Variants in SLC4A3 observed in about 807,000 individuals in gnomAD.
SLC4A3 encodes the protein solute carrier family 4 member 3.
Under a neutral mutation model 114.2 loss-of-function variants are expected in SLC4A3, and 47 were observed. That is an observed-to-expected ratio of 0.41 (90% CI 0.33 to 0.52). The LOEUF (loss-of-function observed/expected upper bound fraction) is 0.52. Among genes scored for constraint, SLC4A3 ranks in the 20% least tolerant of loss-of-function variants. SLC4A3 has a pLI of 0.21. For synonymous variants in SLC4A3, 693 were observed against 710.3 expected, an observed-to-expected ratio of 0.98 and a Z score of 0.39; for missense variants, 1,312 against 1,668.3, an observed-to-expected ratio of 0.79 and a Z score of 3.72.
Position 219,632,066 on chromosome 2 carries a change from A to G in SLC4A3, c.910A>G (p.Ile304Val). ...GGGCAGTCCCAGCGGCCTGGCCCCC[A>G]TCCTTCGCAGGAAGAAGAAGAAGAA... ...GRGSPSGLAPILRRKKKKKKL... is the reference protein window; with the variant it reads ...GRGSPSGLAPVLRRKKKKKKL... The change falls in exon 7 of 23, where the codon ATC becomes GTC. Residue 304 changes from isoleucine (I) to valine (V), a missense_variant. Around this residue, in one of 4 missense-constraint regions of SLC4A3, gnomAD observed 771 missense variants for 977.7 expected, o/e 0.79. Coordinates refer to ENST00000358055, the MANE Select transcript of SLC4A3 (RefSeq NM_005070.4). 1 of 1,613,796 alleles carries G rather than the reference A, an allele frequency of 6.2e-7. No homozygotes were observed. The highest frequency in any genetic ancestry group is 8.5e-7 in the Non-Finnish European group (1 of 1,179,946).
chr2:219,633,217 T>C, intron 9 of SLC4A3, 57 bp from the exon 10 acceptor site: 1 of 1,491,192 alleles, frequency 6.7e-7, no homozygotes, highest in Non-Finnish European at 9.1e-7. Context: ...ACTCACCTCA[T>C]GACCTCAGTC....
rs1438990137 is a variant in SLC4A3 at position 219,635,719 on chromosome 2, C to G, written c.2019C>G (p.Asp673Glu). 3 of 1,595,188 alleles carry G rather than the reference C, an allele frequency of 1.9e-6. No homozygotes were observed. The Admixed American group carries it at 5.5e-5, about 29-fold the overall frequency. Residue 673 changes from aspartate to glutamate, a missense_variant, in exon 14 of 23, where the codon GAC (aspartate) becomes GAG (glutamate). Coordinates refer to ENST00000358055, the MANE Select transcript of SLC4A3 (RefSeq NM_005070.4). The stretch of plus-strand genomic sequence containing the variant: ...GCTCTGAGGCAACCCCTGAAGATGA[C>G]CCCTTGCTGCGGACGGGCTCGGTAT... ...LGGSEATPED[D>E]PLLRTGSVFG...
chr2:219,640,301 TC>T lies in SLC4A3; in HGVS notation c.3278-123del, dbSNP rs1329158486. ...ATTGGTCCAGTGGGTCCATGTCGCC[TC>T]CCCCCAGGCCTCTCCATCCTCACGG... On this transcript the variant is annotated intron_variant, in intron 20 of 22. Coordinates refer to ENST00000358055, the MANE Select transcript of SLC4A3 (RefSeq NM_005070.4). 24 of 863,884 alleles carry T rather than the reference TC, an allele frequency of 2.8e-5. No individual in the cohort carries two copies. In the African/African-American group the frequency reaches 3.9e-4, roughly 14 times the overall value. The allele number at this position is 863,884 out of a possible 1,614,324, so 53.5% of individuals were successfully genotyped here.
In SLC4A3 at chr2:219,628,910, C is replaced by T. The variant is rs532924095; in HGVS notation, c.218-234C>T. ...CGCCTTTCCCCTCCTTGCTGTATCACGTCTCCCCTCCCAGCCCCCTTCATG... is the reference window on the plus strand; with the variant it reads ...CGCCTTTCCCCTCCTTGCTGTATCATGTCTCCCCTCCCAGCCCCCTTCATG... On this transcript the variant is annotated intron_variant, in intron 3 of 22. Transcript: ENST00000358055. This position sits in a 1 kb window ranked among gnomAD's most constrained non-coding sequence, Gnocchi z 4.8. 2.2e-5 allele frequency: 13 copies of T among 595,880 alleles called. No individual in the cohort carries two copies. The highest frequency in any genetic ancestry group is 4.4e-4 in the Middle Eastern group (1 of 2,258). 36.9% of individuals were successfully genotyped at this position (595,880 alleles called of 1,614,324 possible). A position where few individuals can be genotyped will look rare whatever the true frequency, so the allele number is the denominator to read the frequency against.
chr2:219,635,576 C>G lies in SLC4A3; in HGVS notation c.1972+80C>G, dbSNP rs2305056. On this transcript the variant is annotated intron_variant, in intron 13 of 22. Coordinates refer to ENST00000358055, the MANE Select transcript of SLC4A3 (RefSeq NM_005070.4). ...CTAAGGCTGTGACCCCAGCCCCGTC[C>G]TGACTCCTGGAGTCCTTTGCATCCC... 1,015 of 1,484,464 alleles carry G rather than the reference C, an allele frequency of 6.8e-4. 18 individuals are homozygous for G. In the East Asian group the frequency reaches 0.024, roughly 36 times the overall value. 92.0% of individuals were successfully genotyped at this position (1,484,464 alleles called of 1,614,324 possible).
chr2:219,628,522 T>G lies in SLC4A3; in HGVS notation c.169T>G (p.Trp57Gly). The G allele has an allele frequency of 1.2e-6, 2 of 1,613,478 alleles. No individual in the cohort carries two copies. Among genetic ancestry groups the G allele is most frequent in the Non-Finnish European group, 8.5e-7 (1 of 1,179,828 alleles). The change falls in exon 3 of 23, where the codon TGG becomes GGG. Residue 57 changes from tryptophan to glycine, a missense_variant. By Grantham distance (184) the Trp-to-Gly change is radical. Around this residue, in one of 4 missense-constraint regions of SLC4A3, gnomAD observed 236 missense variants for 212.1 expected, o/e 1.11. Coordinates refer to ENST00000358055, the MANE Select transcript of SLC4A3 (RefSeq NM_005070.4). This position sits in a 1 kb window ranked among gnomAD's most constrained non-coding sequence, Gnocchi z 4.8. Reference protein sequence around the residue: ...FGDLISKPPAWDPEKPSRSYS... With the variant: ...FGDLISKPPAGDPEKPSRSYS... ...GGACCTCATCAGCAAGCCCCCGGCC[T>G]GGGACCCCGAGAAGCCCAGCCGCAG...
intron 20 of SLC4A3, 93 bp from the exon 21 acceptor site, chr2:219,640,337 G>A (rs1001062587): frequency 2.6e-5 from 37 of 1,433,844 alleles, no homozygotes; most frequent in Non-Finnish European, 3.3e-5. Context: ...GGGGCTGTCT[G>A]AGGGTCAGGC....
At position 219,633,444 on chromosome 2, in the gene SLC4A3, C is replaced by T. The variant is rs1243839730; in HGVS notation, c.1448C>T (p.Pro483Leu). 9 of 1,550,478 alleles carry T rather than the reference C, an allele frequency of 5.8e-6. No homozygotes were observed. Among genetic ancestry groups the T allele is most frequent in the African/African-American group, 2.8e-5 (2 of 72,444 alleles). The part of the protein sequence containing the change: ...GEPAPLWPHD[P>L]DAKEKPLHMP... ...CCAGCCCCACTCTGGCCACATGACC[C>T]TGACGCCAAGGAGGTCAGTGCCCTT... The change falls in exon 10 of 23, where the codon CCT becomes CTT. Residue 483 changes from proline to leucine, a missense_variant. By Grantham distance (98) the Pro-to-Leu change is moderately conservative (BLOSUM62 -3). Coordinates refer to ENST00000358055, the MANE Select transcript of SLC4A3 (RefSeq NM_005070.4).
rs1264962671 is a variant in SLC4A3 at position 219,631,826 on chromosome 2, T to C, written c.812-142T>C. The C allele has an allele frequency of 4.4e-6, 4 of 904,546 alleles. No individual in the cohort carries two copies. The highest frequency in any genetic ancestry group is 6.8e-6 in the Non-Finnish European group (4 of 591,264). The allele number at this position is 904,546 out of a possible 1,614,324, so 56.0% of individuals were successfully genotyped here. ...TCTTCTTATCAATGAAATGGCCACA[T>C]GGGATTATGTGGTTCCCGTCGGCAT... On this transcript the variant is annotated intron_variant, in intron 6 of 22. Transcript: ENST00000358055. This position sits in a 1 kb window ranked among gnomAD's most constrained non-coding sequence, Gnocchi z 6.3.
chr2:219,627,653 G>A lies in SLC4A3; in HGVS notation c.-186G>A, dbSNP rs1698760382. 6.4e-6 allele frequency: 1 copy of A among 156,012 alleles called. No homozygotes were observed. The highest frequency in any genetic ancestry group is 1.4e-5 in the Non-Finnish European group (1 of 70,688). 9.7% of individuals were successfully genotyped at this position (156,012 alleles called of 1,614,324 possible). A position where few individuals can be genotyped will look rare whatever the true frequency, so the allele number is the denominator to read the frequency against. ...CCAGCCCGGCTCTGCGCTGCGAGAGGCCGGACGGCAGTCGCGGCTGCGCTC... is the reference window on the plus strand; with the variant it reads ...CCAGCCCGGCTCTGCGCTGCGAGAGACCGGACGGCAGTCGCGGCTGCGCTC... On this transcript the variant is annotated 5_prime_UTR_variant, in exon 1 of 23. Coordinates refer to ENST00000358055, the MANE Select transcript of SLC4A3 (RefSeq NM_005070.4).
At position 219,631,077 on chromosome 2, in the gene SLC4A3, A is replaced by C; in HGVS notation, c.811+725A>C. 9.1e-7 allele frequency: 1 copy of C among 1,094,368 alleles called. No individual in the cohort carries two copies. The highest frequency in any genetic ancestry group is 2.3e-5 in the South Asian group (1 of 43,274). The allele number at this position is 1,094,368 out of a possible 1,614,324, so 67.8% of individuals were successfully genotyped here. ...TTTACAGACCCAGGGTGGGGGCTGG[A>C]TGCCGCAGGGAGCAGGCTTGTGGAC... On this transcript the variant is annotated intron_variant, in intron 6 of 22. Coordinates refer to ENST00000358055, the MANE Select transcript of SLC4A3 (RefSeq NM_005070.4). This position sits in a 1 kb window ranked among gnomAD's most constrained non-coding sequence, Gnocchi z 6.3.
At chr2:219,629,825 G>T (rs556222045) in intron 5 of SLC4A3, 130 bp downstream of exon 5, 3 of 441,052 alleles carry the variant, frequency 6.8e-6, no homozygotes, top group Non-Finnish European at 1.2e-5. Context: ...GGAGCAGGGT[G>T]TGGGAGGGGG....
chr2:219,638,742 G>A lies in SLC4A3; in HGVS notation c.2896G>A (p.Asp966Asn), dbSNP rs140777289. Residue 966 changes from aspartate to asparagine, a missense_variant, in exon 19 of 23, where the codon GAT becomes AAT. Transcript: ENST00000358055. The surrounding 1 kb of genome is among the most constrained non-coding windows in gnomAD (Gnocchi z 7.5). ...TACAGGGCTCTCAGTGACCTCTCCC[G>A]ATAAGCGCTCGTGGTTCATCCCACC... is the stretch of plus-strand genomic sequence containing the variant. ...VPTGLSVTSP[D>N]KRSWFIPPLG... 17 of 1,613,998 alleles carry A rather than the reference G, an allele frequency of 1.1e-5. No homozygotes were observed. The African/African-American group carries it at 1.3e-4, about 13-fold the overall frequency.
rs926808476 is a variant in SLC4A3, at chr2:219,641,518, G to T, written c.3622-133G>T. On this transcript the variant is annotated intron_variant, in intron 22 of 22. Coordinates refer to ENST00000358055, the MANE Select transcript of SLC4A3 (RefSeq NM_005070.4). The surrounding 1 kb of genome is among the most constrained non-coding windows in gnomAD (Gnocchi z 4.0). ...TGGCCAAGGGCAGTGCTGCCACCCA[G>T]GGTCATGGTACTTGCAGAGAGGCCC... is the stretch of plus-strand genomic sequence containing the variant. 4.2e-6 allele frequency: 3 copies of T among 713,036 alleles called. No homozygotes were observed. The highest frequency in any genetic ancestry group is 7.4e-6 in the Non-Finnish European group (3 of 403,260). 44.2% of individuals were successfully genotyped at this position (713,036 alleles called of 1,614,324 possible). A position where few individuals can be genotyped will look rare whatever the true frequency, so the allele number is the denominator to read the frequency against.
At position 219,641,677 on chromosome 2, in the gene SLC4A3, C is replaced by T. The variant is rs751389969; in HGVS notation, c.3648C>T (p.Asn1216=). 1.9e-5 allele frequency: 30 copies of T among 1,614,044 alleles called. No homozygotes were observed. The highest frequency in any genetic ancestry group is 2.5e-5 in the Non-Finnish European group (29 of 1,180,002). The stretch of plus-strand genomic sequence containing the variant: ...TGGACTCGGAAGATGCTGAACCAAA[C>T]TTCGATGAGGATGGCCAGGATGAGT... ...QALDSEDAEP[N]FDEDGQDEYN... is the part of the protein sequence containing the mutation. Residue 1216 remains asparagine (N), a synonymous_variant, in exon 23 of 23, where the codon AAC becomes AAT. Transcript: ENST00000358055. This position sits in a 1 kb window ranked among gnomAD's most constrained non-coding sequence, Gnocchi z 4.0.
Position 219,634,610 on chromosome 2 carries a change from G to T in SLC4A3, c.1746+6G>T, listed in dbSNP as rs767430580. On this transcript the variant is annotated splice_donor_region_variant and intron_variant, in intron 12 of 22. Coordinates refer to ENST00000358055, the MANE Select transcript of SLC4A3 (RefSeq NM_005070.4). ...CCACCCTTATGTCTGACAAGGTTGG[G>T]CGCGTGCTGGCTCTCAAGGCCTCTT... 15 of 1,613,292 alleles carry T rather than the reference G, an allele frequency of 9.3e-6. No individual in the cohort carries two copies. Among genetic ancestry groups the T allele is most frequent in the Non-Finnish European group, 1.2e-5 (14 of 1,179,658 alleles).
chr2:219,629,969 A>G (rs1284609505), intron 5 of SLC4A3, 184 bp from the exon 6 acceptor site: 11 of 1,158,764 alleles, frequency 9.5e-6, no homozygotes, highest in Non-Finnish European at 1.3e-5. Flanking sequence ...GGGTGAGGAG[A>G]AAGGTGGAGG....
At position 219,628,878 on chromosome 2, in the gene SLC4A3, C is replaced by G. The variant is rs1021700991; in HGVS notation, c.218-266C>G. ...CCCTCCTTGTCCCACCTCGGCTAGTCCAACTCCGCCTTTCCCCTCCTTGCT... is the reference window on the plus strand; with the variant it reads ...CCCTCCTTGTCCCACCTCGGCTAGTGCAACTCCGCCTTTCCCCTCCTTGCT... On this transcript the variant is annotated intron_variant, in intron 3 of 22. Coordinates refer to ENST00000358055, the MANE Select transcript of SLC4A3 (RefSeq NM_005070.4). The surrounding 1 kb of genome is among the most constrained non-coding windows in gnomAD (Gnocchi z 4.8). 8 of 583,888 alleles carry G rather than the reference C, an allele frequency of 1.4e-5. No individual in the cohort carries two copies. The South Asian group carries it at 1.9e-4, about 14-fold the overall frequency. 36.2% of individuals were successfully genotyped at this position (583,888 alleles called of 1,614,324 possible).
rs1698814295 is a variant in SLC4A3, at chr2:219,628,827, C to T, written c.217+257C>T. On this transcript the variant is annotated intron_variant, in intron 3 of 22. Coordinates refer to ENST00000358055, the MANE Select transcript of SLC4A3 (RefSeq NM_005070.4). This position sits in a 1 kb window ranked among gnomAD's most constrained non-coding sequence, Gnocchi z 4.8. Reference sequence around the variant, plus strand: ...GCCTGGGCCCTTCCACGGTGACCTTCCCCTTCCCCTTCGTCCCCACTCACT... The same window carrying T: ...GCCTGGGCCCTTCCACGGTGACCTTTCCCTTCCCCTTCGTCCCCACTCACT... 1.7e-6 allele frequency: 1 copy of T among 584,764 alleles called. No homozygotes were observed. Among genetic ancestry groups the T allele is most frequent in the Admixed American group, 3.2e-5 (1 of 31,122 alleles). The allele number at this position is 584,764 out of a possible 1,614,324, so 36.2% of individuals were successfully genotyped here. A position where few individuals can be genotyped will look rare whatever the true frequency, so the allele number is the denominator to read the frequency against.
Sources: allele counts gnomAD v4.1 joint callset, GRCh38; gene constraint gnomAD v4.1.1; regional missense constraint gnomAD v4.1.1; non-coding constraint Gnocchi (gnomAD v3.1); transcripts MANE v1.5; gene names NCBI Gene and HGNC (gene_info 2026-07-23, HGNC 2026-07-21).